The following CPE variants were observed in gnomAD, a reference collection of about 807,000 sequenced individuals.
The protein encoded by CPE is carbocypeptidase E.
A neutral mutation model predicts 53.5 loss-of-function variants in CPE; 17 were observed. The ratio of observed to expected loss-of-function variants is 0.32; its 90% CI spans 0.22 to 0.48. CPE has a LOEUF of 0.48. Among genes scored for constraint, CPE ranks in the 20% least tolerant of loss-of-function variants. The pLI is 0.99. For missense variants in CPE, 524 were observed against 614.7 expected, an observed-to-expected ratio of 0.85 and a Z score of 1.56; for synonymous variants, 226 against 228.8, an observed-to-expected ratio of 0.99 and a Z score of 0.11.
chr4:165,489,920 C>G (rs919727344), intron 6 of CPE, among the ~76,000 whole-genome samples: 1 of 152,180 alleles, frequency 6.6e-6, no homozygotes, highest in Non-Finnish European at 1.5e-5. Context: ...CTTGATATGG[C>G]ATTGTCATTA....
At chr4:165,483,433 T>C (rs1227304283) in intron 4 of CPE, among the ~76,000 whole-genome samples, 1 of 152,224 alleles carries the variant, frequency 6.6e-6, no homozygotes, top group Non-Finnish European at 1.5e-5. Context: ...CTTTTGTGAA[T>C]AGTGCTGCCA....
chr4:165,458,886 A>C (rs185181044), intron 1 of CPE, among the ~76,000 whole-genome samples: 1 of 152,220 alleles, frequency 6.6e-6, no homozygotes, highest in East Asian at 1.9e-4. Flanking sequence ...TTTTCTTTTC[A>C]TAGGAGTGGA....
chr4:165,495,829 C>T, intron 8 of CPE, 152 bp downstream of exon 8: 1 of 459,712 alleles, frequency 2.2e-6, no homozygotes. Flanking sequence ...AAAACTGAGG[C>T]TTAGCAAAGT....
intron 1 of CPE, among the ~76,000 whole-genome samples, chr4:165,448,156 C>T (rs1170002117): frequency 6.6e-6 from 1 of 152,082 alleles, no homozygotes; most frequent in Non-Finnish European, 1.5e-5. Context: ...AGAATAAGAT[C>T]TAAGTGTGTT....
At chr4:165,422,719 T>C (rs1456578757) in intron 1 of CPE, among the ~76,000 whole-genome samples, 1 of 152,116 alleles carries the variant, frequency 6.6e-6, no homozygotes, top group East Asian at 1.9e-4. Flanking sequence ...GGCTCAGGCC[T>C]GTAATCCCAA....
rs776780602 is a variant in CPE at position 165,487,435 on chromosome 4, C to T, written c.974-3C>T. The T allele has an allele frequency of 9.9e-6, 16 of 1,613,410 alleles. No homozygotes were observed. Among genetic ancestry groups the T allele is most frequent in the South Asian group, 7.7e-5 (7 of 91,028 alleles). The stretch of plus-strand genomic sequence containing the variant: ...TTTGACTTTCCATTTGGTGTTTTGG[C>T]AGGGATGCAAGACTTCAATTACCTT... On this transcript the variant is annotated splice_region_variant and splice_polypyrimidine_tract_variant and intron_variant, in intron 5 of 8. Transcript: ENST00000402744.
At chr4:165,417,584 CT>C (rs1731146637) in intron 1 of CPE, among the ~76,000 whole-genome samples, 3 of 149,816 alleles carry the variant, frequency 2.0e-5, no homozygotes, top group African/African-American at 4.9e-5. Flanking sequence ...TTAGCTTTGT[CT>C]TTTTTGATGG....
intron 1 of CPE, among the ~76,000 whole-genome samples, chr4:165,434,949 A>G (rs899518245): frequency 2.0e-5 from 3 of 152,132 alleles, no homozygotes; most frequent in African/African-American, 7.2e-5. Flanking sequence ...TGTTGTTAAA[A>G]AAAAGCCTGG....
At chr4:165,406,603 A>G (rs2126665127) in intron 1 of CPE, among the ~76,000 whole-genome samples, 1 of 152,308 alleles carries the variant, frequency 6.6e-6, no homozygotes, top group East Asian at 1.9e-4. Context: ...TTGAGATAGA[A>G]TTCACATACC....
chr4:165,404,062 T>A, intron 1 of CPE: 1 of 961,208 alleles, frequency 1.0e-6, no homozygotes, highest in Non-Finnish European at 1.7e-6. Flanking sequence ...GCATGAGGCC[T>A]GCTCACTGAT....
At chr4:165,416,914 C>A (rs1490769872) in intron 1 of CPE, among the ~76,000 whole-genome samples, 2 of 151,920 alleles carry the variant, frequency 1.3e-5, no homozygotes, top group Non-Finnish European at 2.9e-5. Flanking sequence ...GTCAATGAGT[C>A]CATGAATGAA....
intron 1 of CPE, among the ~76,000 whole-genome samples, chr4:165,426,844 A>T (rs1425584023): frequency 6.6e-6 from 1 of 152,222 alleles, no homozygotes; most frequent in African/African-American, 2.4e-5. Flanking sequence ...AGGAGCATGG[A>T]CACAAAGGGT....
chr4:165,436,599 T>C (rs2126682609), intron 1 of CPE, among the ~76,000 whole-genome samples: 1 of 152,392 alleles, frequency 6.6e-6, no homozygotes, highest in East Asian at 1.9e-4. Context: ...CACTGCAGTT[T>C]GCTGAACCAT....
chr4:165,460,088 C>T (rs954618989), intron 1 of CPE, among the ~76,000 whole-genome samples: 4 of 151,968 alleles, frequency 2.6e-5, no homozygotes, highest in Admixed American at 6.6e-5. Flanking sequence ...TTATACCAGC[C>T]GGATCCACAT....
rs1333280261 is a variant in CPE, at chr4:165,440,460, CCCCACACA to C, written c.308-23928_308-23921del. ...CTGCTGCTCTCACAACCCCACCCCC[CCCCACACA>C]CACAAGCTGTGGTTTCTGGAACAGT... On this transcript the variant is annotated intron_variant, in intron 1 of 8. Transcript: ENST00000402744. Among the ~76,000 whole-genome samples, 36 of 136,462 alleles carry C rather than the reference CCCCACACA, an allele frequency of 2.6e-4. 1 individual carries two copies. Among genetic ancestry groups the C allele is most frequent in the Non-Finnish European group, 2.4e-4 (15 of 61,868 alleles). The allele number at this position is 136,462 out of a possible 152,430, so 89.5% of individuals were successfully genotyped here.
chr4:165,381,903 T>C (rs981885164), intron 1 of CPE, among the ~76,000 whole-genome samples: 23 of 152,386 alleles, frequency 1.5e-4, no homozygotes, highest in African/African-American at 5.5e-4. Flanking sequence ...ACAAGTGGGC[T>C]CATTCAGTGT....
At chr4:165,486,786 A>G (rs952725771) in intron 5 of CPE, among the ~76,000 whole-genome samples, 2 of 152,180 alleles carry the variant, frequency 1.3e-5, no homozygotes, top group Non-Finnish European at 1.5e-5. Flanking sequence ...CCTTTGGTTT[A>G]TGTGAAAACT....
chr4:165,398,700 T>C (rs1730815896), intron 1 of CPE, among the ~76,000 whole-genome samples: 2 of 152,178 alleles, frequency 1.3e-5, no homozygotes, highest in Admixed American at 1.3e-4. Flanking sequence ...TTTTCTGAAG[T>C]AGGTGTTGCC....
chr4:165,413,883 G>A (rs13111798), intron 1 of CPE, among the ~76,000 whole-genome samples: 45,187 of 152,042 alleles, frequency 0.3, 6,902 homozygotes, highest in Middle Eastern at 0.4. Flanking sequence ...TTCTGAGCAT[G>A]GAGATACAGG....
Sources: allele counts gnomAD v4.1 joint callset (sites outside exome capture counted in the v4.1 genomes callset), GRCh38; gene constraint gnomAD v4.1.1; transcripts MANE v1.5; gene names NCBI Gene and HGNC (gene_info 2026-07-23, HGNC 2026-07-21).